SYN3: variants seen among roughly 807,000 people sequenced by gnomAD.
The protein encoded by SYN3 is synapsin-3.
A neutral mutation model predicts 65.8 loss-of-function variants in SYN3; 35 were observed. The ratio of observed to expected loss-of-function variants is 0.53; its 90% CI spans 0.41 to 0.70. The LOEUF (loss-of-function observed/expected upper bound fraction) is 0.70. Ranked by LOEUF, SYN3 falls within the 30% of genes least tolerant of loss-of-function variation. The probability of loss-of-function intolerance (pLI) is 0.00; values close to 1 mark genes in which losing one functional copy is unlikely to be tolerated. For missense variants in SYN3, 680 were observed against 749.0 expected (o/e 0.91, Z 1.08); for synonymous variants, 270 against 292.9 (o/e 0.92, Z 0.80).
chr22:32,508,185 G>A lies in SYN3; in HGVS notation c.*5507C>T, dbSNP rs986541421. Among the ~76,000 whole-genome samples, 5 of 152,098 alleles carry A rather than the reference G, an allele frequency of 3.3e-5. No homozygotes were observed. The highest frequency in any genetic ancestry group is 7.4e-5 in the Non-Finnish European group (5 of 68,020). On this transcript the variant is annotated 3_prime_UTR_variant, in exon 14 of 14. Coordinates refer to ENST00000358763, the MANE Select transcript of SYN3 (RefSeq NM_003490.4). The stretch of plus-strand genomic sequence containing the variant: ...AAAAGAAGTGAAAAGGCCCTGCCCC[G>A]CCTTAACTGATGACATTCCACCATT...
chr22:32,777,707 A>C (rs907726237), intron 6 of SYN3, among the ~76,000 whole-genome samples: 1 of 152,206 alleles, frequency 6.6e-6, no homozygotes, highest in Non-Finnish European at 1.5e-5. Flanking sequence ...TCTGAAACTC[A>C]CATATTAGCT....
intron 7 of SYN3, among the ~76,000 whole-genome samples, chr22:32,564,934 TTGTACCCAAACAGTGCTCCTGGAC>T (rs2058645715): frequency 1.8e-5 from 1 of 55,790 alleles, no homozygotes; most frequent in Non-Finnish European, 3.6e-5. Flanking sequence ...TGCTCCCGGA[TTGTACCCAAACAGTGCTCCTGGAC>T]TGCACCCAAA....
intron 2 of SYN3, among the ~76,000 whole-genome samples, chr22:32,991,194 A>C (rs1174863463): frequency 6.6e-6 from 1 of 151,352 alleles, no homozygotes; most frequent in African/African-American, 2.4e-5. Flanking sequence ...AAAAAAGAAA[A>C]AAAAAAATTA....
rs1811068245 is a variant in SYN3, at chr22:32,508,428, C to A, written c.*5264G>T. Among the ~76,000 whole-genome samples, 1 of 152,158 alleles carries A rather than the reference C, an allele frequency of 6.6e-6. No individual in the cohort carries two copies. The highest frequency in any genetic ancestry group is 2.4e-5 in the African/African-American group (1 of 41,438). On this transcript the variant is annotated 3_prime_UTR_variant, in exon 14 of 14. Transcript: ENST00000358763. Reference sequence around the variant, plus strand: ...TCTCTTTTCGGACTCATCCGGCCTGCACCCAGGTGAAATAAACAGCCATGT... The same window carrying A: ...TCTCTTTTCGGACTCATCCGGCCTGAACCCAGGTGAAATAAACAGCCATGT...
At chr22:32,780,078 A>AAAAAAAAAAAG (rs1359453939) in intron 6 of SYN3, among the ~76,000 whole-genome samples, 3 of 52,650 alleles carry the variant, frequency 5.7e-5, no homozygotes, top group Admixed American at 2.4e-4. Context: ...CAAAAAAAAA[A>AAAAAAAAAAAG]AGAGAGAGAA....
intron 1 of SYN3, chr22:33,057,833 T>A (rs2054278550): frequency 6.6e-6 from 1 of 152,446 alleles, no homozygotes; most frequent in African/African-American, 2.4e-5. Context: ...GGAAATGGCA[T>A]GACAAACCTG....
At chr22:32,679,036 C>G in intron 6 of SYN3, among the ~76,000 whole-genome samples, 1 of 130,004 alleles carries the variant, frequency 7.7e-6, no homozygotes, top group South Asian at 2.6e-4. Context: ...TTTCTTTTTT[C>G]TTTGTTTCTT....
chr22:32,655,572 C>T (rs978891435), intron 6 of SYN3, among the ~76,000 whole-genome samples: 2 of 152,100 alleles, frequency 1.3e-5, no homozygotes, highest in Non-Finnish European at 2.9e-5. Context: ...AGATCAGTAG[C>T]GGCATTAGAT....
Position 32,508,538 on chromosome 22 carries a change from GCCT to G in SYN3, c.*5151_*5153del, listed in dbSNP as rs991779583. 6.6e-6 allele frequency among the ~76,000 whole-genome samples: 1 copy of G among 152,076 alleles called. No homozygotes were observed. Among genetic ancestry groups the G allele is most frequent in the Non-Finnish European group, 1.5e-5 (1 of 68,020 alleles). ...AGGAGAGGTCTCATGTTCTCATTCT[GCCT>G]CCTCCCATTCCTCTTCAGATTCAGT... On this transcript the variant is annotated 3_prime_UTR_variant, in exon 14 of 14. Transcript: ENST00000358763.
intron 6 of SYN3, among the ~76,000 whole-genome samples, chr22:32,636,610 G>GATA (rs1003461554): frequency 5.3e-5 from 8 of 152,110 alleles, no homozygotes; most frequent in African/African-American, 1.7e-4. Context: ...ATCCTGGGGG[G>GATA]ATAATCATGG....
intron 9 of SYN3, among the ~76,000 whole-genome samples, chr22:32,536,051 C>T (rs2058159881): frequency 6.6e-6 from 1 of 152,222 alleles, no homozygotes. Flanking sequence ...TTAGGTTCCT[C>T]CAGGGATGGC....
At chr22:32,626,929 C>T (rs2059674366) in intron 6 of SYN3, among the ~76,000 whole-genome samples, 1 of 152,208 alleles carries the variant, frequency 6.6e-6, no homozygotes, top group Non-Finnish European at 1.5e-5. Context: ...TCCCTGGACA[C>T]CTGGTTGGTT....
At chr22:32,572,300 TCCC>T (rs2058774633) in intron 7 of SYN3, among the ~76,000 whole-genome samples, 1 of 49,870 alleles carries the variant, frequency 2.0e-5, no homozygotes, top group Non-Finnish European at 3.9e-5. Flanking sequence ...CTTCCTTCCT[TCCC>T]TCCCTTACTC....
intron 12 of SYN3, among the ~76,000 whole-genome samples, chr22:32,526,279 AC>A (rs2057975052): frequency 6.6e-6 from 1 of 152,192 alleles, no homozygotes; most frequent in African/African-American, 2.4e-5. Context: ...ACAGTTGTGT[AC>A]AATTATACAA....
chr22:32,788,285 T>C (rs1463934713), intron 6 of SYN3, among the ~76,000 whole-genome samples: 5 of 152,130 alleles, frequency 3.3e-5, no homozygotes, highest in Non-Finnish European at 5.9e-5. Context: ...TTCACGCCTA[T>C]AATCCCAGCA....
At chr22:33,044,723 T>C (rs1245135594) in intron 1 of SYN3, among the ~76,000 whole-genome samples, 2 of 151,936 alleles carry the variant, frequency 1.3e-5, no homozygotes, top group Non-Finnish European at 1.5e-5. Flanking sequence ...GGGTTTCTCA[T>C]AGTGGTTTCA....
At chr22:32,782,210 A>C (rs2046084253) in intron 6 of SYN3, among the ~76,000 whole-genome samples, 1 of 152,046 alleles carries the variant, frequency 6.6e-6, no homozygotes, top group Non-Finnish European at 1.5e-5. Context: ...CTGGGATTAC[A>C]GGCGGGTGCC....
At chr22:32,556,813 T>C (rs867361505) in intron 7 of SYN3, among the ~76,000 whole-genome samples, 47,036 of 111,936 alleles carry the variant, frequency 0.42, 13,845 homozygotes, top group East Asian at 0.54. Flanking sequence ...GGTTTTTTTT[T>C]TTTTTTTTTT....
At chr22:32,704,017 A>G (rs1434425112) in intron 6 of SYN3, among the ~76,000 whole-genome samples, 1 of 152,182 alleles carries the variant, frequency 6.6e-6, no homozygotes, top group African/African-American at 2.4e-5. Flanking sequence ...TATTATTAGA[A>G]CTTATCCTTG....
Sources: allele counts gnomAD v4.1 joint callset (sites outside exome capture counted in the v4.1 genomes callset), GRCh38; gene constraint gnomAD v4.1.1; transcripts MANE v1.5; gene names NCBI Gene and HGNC (gene_info 2026-07-23, HGNC 2026-07-21).